Variants in ELOA observed in about 807,000 individuals in gnomAD.
The protein encoded by ELOA is elongin A.
A neutral mutation model predicts 85.2 loss-of-function variants in ELOA; 15 were observed. The observed-to-expected ratio is 0.18, with a 90% CI of 0.12 to 0.27. ELOA has a LOEUF of 0.27. Among genes scored for constraint, ELOA ranks in the 10% least tolerant of loss-of-function variants. The pLI is 1.00. For synonymous variants in ELOA, 348 were observed against 357.2 expected, an observed-to-expected ratio of 0.97 and a Z score of 0.29; for missense variants, 769 against 952.7, an observed-to-expected ratio of 0.81 and a Z score of 2.54.
intron 5 of ELOA, among the ~76,000 whole-genome samples, chr1:23,753,558 A>C (rs563270763): frequency 6.6e-6 from 1 of 152,242 alleles, no homozygotes; most frequent in African/African-American, 2.4e-5. Context: ...CTAACAGATA[A>C]ATCATGGTTC....
chr1:23,749,229 TGTC>T, intron 2 of ELOA, 152 bp downstream of exon 2: 1 of 717,006 alleles, frequency 1.4e-6, no homozygotes, highest in Non-Finnish European at 2.3e-6. Flanking sequence ...TTATATGAAA[TGTC>T]CAGAATAGGC....
chr1:23,758,198 T>A (rs191883233), intron 10 of ELOA, among the ~76,000 whole-genome samples: 1 of 150,408 alleles, frequency 6.6e-6, no homozygotes, highest in African/African-American at 2.4e-5. Flanking sequence ...TATAGTCTTA[T>A]AACTCTAGCT....
intron 1 of ELOA, among the ~76,000 whole-genome samples, chr1:23,748,811 G>A (rs1644757363): frequency 6.6e-6 from 1 of 152,154 alleles, no homozygotes. Flanking sequence ...ACAGACCTGA[G>A]TGAATCTTGC....
In ELOA at chr1:23,761,681, G is replaced by T. The variant is rs1638296225; in HGVS notation, c.*2108G>T. The T allele has an allele frequency of 6.6e-6, 1 of 152,120 alleles. No individual in the cohort carries two copies. The highest frequency in any genetic ancestry group is 2.1e-4 in the South Asian group (1 of 4,824). 9.4% of individuals were successfully genotyped at this position (152,120 alleles called of 1,614,324 possible). ...AACCCAATTTCTAAATGACCTCCTT[G>T]CCCAGCTTACTAAAATGGCTGCAGA... On this transcript the variant is annotated 3_prime_UTR_variant, in exon 11 of 11. Coordinates refer to ENST00000613537, the MANE Select transcript of ELOA (RefSeq NM_003198.3).
chr1:23,750,390 T>G (rs950716267), intron 3 of ELOA, among the ~76,000 whole-genome samples: 1 of 152,022 alleles, frequency 6.6e-6, no homozygotes, highest in African/African-American at 2.4e-5. Flanking sequence ...TTAGCCAGGA[T>G]AGGATGGTTT....
At chr1:23,752,179 T>C in intron 4 of ELOA, 149 bp downstream of exon 4, 1 of 879,526 alleles carries the variant, frequency 1.1e-6, no homozygotes, top group Non-Finnish European at 1.7e-6. Flanking sequence ...GCTTCACTGG[T>C]TGTCAGGGTA....
At chr1:23,743,768 G>T (rs1402789433) in intron 1 of ELOA, among the ~76,000 whole-genome samples, 190 bp downstream of exon 1, 1 of 152,116 alleles carries the variant, frequency 6.6e-6, no homozygotes, top group Non-Finnish European at 1.5e-5. Context: ...GCGTCGGGAC[G>T]CGGGGCCCCG....
chr1:23,747,209 G>A (rs935226990), intron 1 of ELOA, among the ~76,000 whole-genome samples: 1 of 152,200 alleles, frequency 6.6e-6, no homozygotes, highest in Non-Finnish European at 1.5e-5. Flanking sequence ...TGACATCACA[G>A]GAGGAGTTTT....
chr1:23,750,499 T>A (rs1337492793), intron 3 of ELOA, among the ~76,000 whole-genome samples: 2 of 152,166 alleles, frequency 1.3e-5, no homozygotes, highest in African/African-American at 4.8e-5. Context: ...TCTTTCTAAC[T>A]GCTCCTTAAA....
At chr1:23,757,151 A>G in intron 10 of ELOA, 26 bp downstream of exon 10, 2 of 1,516,352 alleles carry the variant, frequency 1.3e-6, no homozygotes, top group East Asian at 2.4e-5. Flanking sequence ...TTCCTGCTCA[A>G]ATATTATTTC....
chr1:23,755,361 A>G (rs1644789595), intron 7 of ELOA, among the ~76,000 whole-genome samples: 1 of 152,192 alleles, frequency 6.6e-6, no homozygotes, highest in Admixed American at 6.5e-5. Flanking sequence ...ATAGTGCCTC[A>G]CACTTCGCAT....
rs1248386150 is a variant in ELOA at position 23,756,043 on chromosome 1, T to TG, written c.1972+25dup. 2 of 1,608,416 alleles carry TG rather than the reference T, an allele frequency of 1.2e-6. No individual in the cohort carries two copies. The highest frequency in any genetic ancestry group is 4.5e-5 in the East Asian group (2 of 44,800). ...CCAAAGGTAACAGAGACGGGAGAGC[T>TG]GGGGGAGAACTGGCAGGATGAGTGT... is the stretch of plus-strand genomic sequence containing the variant. On this transcript the variant is annotated intron_variant, in intron 8 of 10. Transcript: ENST00000613537.
chr1:23,750,008 GT>G (rs1200880695), intron 3 of ELOA, 60 bp downstream of exon 3: 2 of 1,380,738 alleles, frequency 1.4e-6, no homozygotes, highest in Admixed American at 4.7e-5. Flanking sequence ...GATAGAAAAG[GT>G]TTTCTTTATT....
At chr1:23,758,423 G>A (rs1027202793) in intron 10 of ELOA, among the ~76,000 whole-genome samples, 11 of 148,848 alleles carry the variant, frequency 7.4e-5, no homozygotes, top group African/African-American at 2.7e-4. Flanking sequence ...ACAGGTGCCC[G>A]CCACTAAGCC....
At chr1:23,749,713 A>G (rs1644760524) in intron 2 of ELOA, 129 bp from the exon 3 acceptor site, 8 of 740,470 alleles carry the variant, frequency 1.1e-5, no homozygotes, top group Admixed American at 2.9e-5. Context: ...TTTAGTGTTA[A>G]GATTTGCAGG....
At chr1:23,758,555 G>A (rs1638247724) in intron 10 of ELOA, among the ~76,000 whole-genome samples, 1 of 148,938 alleles carries the variant, frequency 6.7e-6, no homozygotes, top group Non-Finnish European at 1.5e-5. Flanking sequence ...TTACCAGCGT[G>A]AACCACCATG....
intron 10 of ELOA, among the ~76,000 whole-genome samples, chr1:23,757,529 C>T (rs376527645): frequency 8.5e-5 from 13 of 152,138 alleles, no homozygotes; most frequent in South Asian, 2.1e-4. Context: ...GATGGAGTCT[C>T]GCTCTGTCAC....
intron 1 of ELOA, among the ~76,000 whole-genome samples, chr1:23,747,315 T>C (rs1302331250): frequency 6.6e-6 from 1 of 152,244 alleles, no homozygotes; most frequent in Non-Finnish European, 1.5e-5. Flanking sequence ...TTCTCCTGGC[T>C]TTACTTAACT....
In ELOA at chr1:23,756,205, C is replaced by G. The variant is rs529970761; in HGVS notation, c.1973-69C>G. 33 of 1,472,310 alleles carry G rather than the reference C, an allele frequency of 2.2e-5. 1 individual carries two copies. In the South Asian group the frequency reaches 4.4e-4, roughly 20 times the overall value. The allele number at this position is 1,472,310 out of a possible 1,614,324, so 91.2% of individuals were successfully genotyped here. On this transcript the variant is annotated intron_variant, in intron 8 of 10. Coordinates refer to ENST00000613537, the MANE Select transcript of ELOA (RefSeq NM_003198.3). Reference sequence around the variant, plus strand: ...GGGGTTTCAGGGCACTCAAAAAGCCCGTGGATTATTTAAATAACAGTAGCA... The same window carrying G: ...GGGGTTTCAGGGCACTCAAAAAGCCGGTGGATTATTTAAATAACAGTAGCA...
Sources: gnomAD v4.1 joint callset for allele counts (sites outside exome capture counted in the v4.1 genomes callset) on GRCh38, gnomAD v4.1.1 for gene constraint, MANE v1.5 for transcripts, NCBI Gene and HGNC (gene_info 2026-07-23, HGNC 2026-07-21) for gene names.